Variants in DOCK10 observed in about 807,000 individuals in gnomAD.
DOCK10 encodes the protein dedicator of cytokinesis 10, also known as dedicator of cytokinesis protein 10.
A neutral mutation model predicts 280.1 loss-of-function variants in DOCK10; 145 were observed. That is an observed-to-expected ratio of 0.52 (90% CI 0.45 to 0.59). The LOEUF (loss-of-function observed/expected upper bound fraction) is 0.59, where lower values mean the gene tolerates loss of function less well. DOCK10 is among the 20% of genes least tolerant of loss of function. The pLI is 0.00. For missense variants in DOCK10, 2,368 were observed against 2,651.7 expected, an observed-to-expected ratio of 0.89 and a Z score of 2.35; for synonymous variants, 915 against 942.2, an observed-to-expected ratio of 0.97 and a Z score of 0.53.
At chr2:224,885,247 G>A (rs182518651) in intron 7 of DOCK10, among the ~76,000 whole-genome samples, 6 of 152,140 alleles carry the variant, frequency 3.9e-5, no homozygotes, top group East Asian at 3.9e-4. Flanking sequence ...TGATCCACCC[G>A]CCTTGGCCTC....
At chr2:225,018,129 G>T (rs1444093713) in intron 1 of DOCK10, among the ~76,000 whole-genome samples, 1 of 152,162 alleles carries the variant, frequency 6.6e-6, no homozygotes, top group Non-Finnish European at 1.5e-5. Flanking sequence ...TGCGAATGCA[G>T]TATTCATACA....
chr2:225,033,599 C>G lies in DOCK10; in HGVS notation c.123+8653G>C, dbSNP rs138031709. Among the ~76,000 whole-genome samples the G allele has an allele frequency of 1.7e-4, 26 of 152,298 alleles. 2 individuals are homozygous for G. The highest frequency in any genetic ancestry group is 1.5e-3 in the East Asian group (8 of 5,186). On this transcript the variant is annotated intron_variant, in intron 1 of 55. Transcript: ENST00000258390. Reference sequence around the variant, plus strand: ...GTATTGCCACTAATTCAGTCACATTCATTAAATTTTATTATTTCTACCTCA... The same window carrying G: ...GTATTGCCACTAATTCAGTCACATTGATTAAATTTTATTATTTCTACCTCA...
rs182090571 is a variant in DOCK10, at chr2:224,792,828, G to A, written c.5311+146C>T. 16 of 570,080 alleles carry A rather than the reference G, an allele frequency of 2.8e-5. No homozygotes were observed. The Admixed American group carries it at 5.1e-4, about 18-fold the overall frequency. The allele number at this position is 570,080 out of a possible 1,614,324, so 35.3% of individuals were successfully genotyped here. ...TGGATGGGATTTCTGAATGGCAGGAGTTTAAGTTTTTTGCAGAGTAAGTTG... is the reference window on the plus strand; with the variant it reads ...TGGATGGGATTTCTGAATGGCAGGAATTTAAGTTTTTTGCAGAGTAAGTTG... On this transcript the variant is annotated intron_variant, in intron 47 of 55. Coordinates refer to ENST00000258390, the MANE Select transcript of DOCK10 (RefSeq NM_014689.3).
intron 7 of DOCK10, among the ~76,000 whole-genome samples, chr2:224,883,346 T>A (rs938675379): frequency 6.6e-6 from 1 of 150,850 alleles, no homozygotes; most frequent in African/African-American, 2.5e-5. Context: ...ACTAAGTGGG[T>A]TTGTTGAATG....
intron 1 of DOCK10, among the ~76,000 whole-genome samples, chr2:225,018,977 TATAC>T (rs1465421727): frequency 6.6e-6 from 1 of 150,496 alleles, no homozygotes; most frequent in African/African-American, 2.4e-5. Context: ...TATGTGTATG[TATAC>T]ATATATAGAT....
At position 224,845,642 on chromosome 2, in the gene DOCK10, C is replaced by T. The variant is rs201110054; in HGVS notation, c.2236G>A (p.Val746Met). 150 of 1,608,380 alleles carry T rather than the reference C, an allele frequency of 9.3e-5. 1 individual carries two copies. The African/African-American group carries it at 1.9e-3, about 20-fold the overall frequency. Residue 746 changes from valine (V) to methionine (M), a missense_variant and splice_region_variant, in exon 20 of 56, where the codon GTG becomes ATG. This residue lies in a region of DOCK10 where 1,209 missense variants were observed against 1,250.9 expected (regional missense o/e 0.97). Transcript: ENST00000258390. Reference sequence around the variant, plus strand: ...AGTTGTGTTGGTAGCTCAATTTTCACCTGCAACGAAAGAAACCATAGTTGG... The same window carrying T: ...AGTTGTGTTGGTAGCTCAATTTTCATCTGCAACGAAAGAAACCATAGTTGG... ...HSQNPDFSDEVKIELPTQLHE... is the reference protein window; with the variant it reads ...HSQNPDFSDEMKIELPTQLHE...
chr2:224,837,451 G>C (rs1695663541), intron 25 of DOCK10, among the ~76,000 whole-genome samples: 1 of 152,138 alleles, frequency 6.6e-6, no homozygotes, highest in African/African-American at 2.4e-5. Flanking sequence ...ATTAACACAG[G>C]AATCTCATGT....
At chr2:224,945,731 A>G (rs1703374462) in intron 1 of DOCK10, among the ~76,000 whole-genome samples, 1 of 152,084 alleles carries the variant, frequency 6.6e-6, no homozygotes, top group South Asian at 2.1e-4. Flanking sequence ...TATATTAAAG[A>G]TGTTTCTATG....
rs985604644 is a variant in DOCK10, at chr2:224,805,865, C to T, written c.3814+261G>A. ...GCTGTCTGCAATGAAAACTTAAAGACGGTTTCCAGAATAAAGTAATTTGAT... is the reference window on the plus strand; with the variant it reads ...GCTGTCTGCAATGAAAACTTAAAGATGGTTTCCAGAATAAAGTAATTTGAT... On this transcript the variant is annotated intron_variant, in intron 34 of 55. Transcript: ENST00000258390. This position sits in a 1 kb window ranked among gnomAD's most constrained non-coding sequence, Gnocchi z 4.3. Among the ~76,000 whole-genome samples, 10 of 152,064 alleles carry T rather than the reference C, an allele frequency of 6.6e-5. No individual in the cohort carries two copies. The highest frequency in any genetic ancestry group is 2.1e-4 in the South Asian group (1 of 4,830).
chr2:225,011,016 T>G (rs1234084382), intron 1 of DOCK10, among the ~76,000 whole-genome samples: 2 of 152,218 alleles, frequency 1.3e-5, no homozygotes, highest in African/African-American at 4.8e-5. Context: ...GGAAGACAGC[T>G]TGGCTGTGAC....
intron 53 of DOCK10, 27 bp downstream of exon 53, chr2:224,773,130 T>A: frequency 6.4e-7 from 1 of 1,573,034 alleles, no homozygotes. Flanking sequence ...GCCATGTGCA[T>A]CTCAGCCCTG....
chr2:224,957,181 C>G (rs568683900), intron 1 of DOCK10, among the ~76,000 whole-genome samples: 1 of 152,044 alleles, frequency 6.6e-6, no homozygotes, highest in African/African-American at 2.4e-5. Flanking sequence ...CCATCTGTGA[C>G]AGCCACTGAG....
intron 1 of DOCK10, among the ~76,000 whole-genome samples, chr2:224,976,256 G>T (rs1259580094): frequency 6.6e-6 from 1 of 152,010 alleles, no homozygotes; most frequent in Non-Finnish European, 1.5e-5. Context: ...AAAGGGGAGG[G>T]AGAGCATTAG....
chr2:224,884,646 C>T (rs1056889461), intron 7 of DOCK10, among the ~76,000 whole-genome samples: 1 of 152,094 alleles, frequency 6.6e-6, no homozygotes, highest in Admixed American at 6.5e-5. Flanking sequence ...ATTTGAAGAC[C>T]AAGAGCTTAT....
chr2:225,001,148 ATAG>A (rs1706419755), intron 1 of DOCK10, among the ~76,000 whole-genome samples: 1 of 152,224 alleles, frequency 6.6e-6, no homozygotes, highest in Non-Finnish European at 1.5e-5. Flanking sequence ...TTAGCTACTA[ATAG>A]TAGAAATAGT....
chr2:224,921,553 T>A (rs976601357), intron 2 of DOCK10, among the ~76,000 whole-genome samples: 4 of 152,140 alleles, frequency 2.6e-5, no homozygotes, highest in Non-Finnish European at 4.4e-5. Flanking sequence ...TAATCACGTG[T>A]ACAATGCCTG....
At chr2:224,957,655 G>T (rs962637702) in intron 1 of DOCK10, among the ~76,000 whole-genome samples, 1 of 152,106 alleles carries the variant, frequency 6.6e-6, no homozygotes, top group African/African-American at 2.4e-5. Flanking sequence ...CTTTGGACCA[G>T]AGTTAGTACC....
intron 7 of DOCK10, 34 bp downstream of exon 7, chr2:224,885,637 A>G (rs1559655772): frequency 2.0e-6 from 3 of 1,528,980 alleles, no homozygotes; most frequent in East Asian, 4.8e-5. Context: ...CAAATAAAAA[A>G]AAATCCCAAG....
chr2:224,869,474 GA>G (rs2125655255), intron 11 of DOCK10, among the ~76,000 whole-genome samples: 1 of 152,300 alleles, frequency 6.6e-6, no homozygotes, highest in African/African-American at 2.4e-5. Context: ...ATTAATGAAA[GA>G]GTGTCAGTGA....
Sources: allele counts gnomAD v4.1 joint callset (sites outside exome capture counted in the v4.1 genomes callset), GRCh38; gene constraint gnomAD v4.1.1; regional missense constraint gnomAD v4.1.1; non-coding constraint Gnocchi (gnomAD v3.1); transcripts MANE v1.5; gene names NCBI Gene and HGNC (gene_info 2026-07-23, HGNC 2026-07-21).